DAAM1: variants seen among roughly 807,000 people sequenced by gnomAD.
DAAM1 encodes dishevelled associated activator of morphogenesis 1, also known as disheveled-associated activator of morphogenesis 1.
Under a neutral mutation model 130.0 loss-of-function variants are expected in DAAM1, and 52 were observed. The observed-to-expected ratio is 0.40, with a 90% CI of 0.32 to 0.50. DAAM1 has a LOEUF of 0.50. Ranked by LOEUF, DAAM1 falls within the 20% of genes least tolerant of loss-of-function variation. DAAM1 has a pLI of 0.61. For missense variants in DAAM1, 1,134 were observed against 1,303.8 expected (o/e 0.87, Z 2.01); for synonymous variants, 452 against 444.5 (o/e 1.02, Z -0.21).
intron 1 of DAAM1, among the ~76,000 whole-genome samples, chr14:59,217,784 A>C (rs977651236): frequency 6.6e-6 from 1 of 152,084 alleles, no homozygotes; most frequent in Admixed American, 6.5e-5. Flanking sequence ...CAGCCTGGCC[A>C]ATATGGTGAA....
At chr14:59,266,187 C>G (rs1882432613) in intron 2 of DAAM1, 1 of 151,424 alleles carries the variant, frequency 6.6e-6, no homozygotes, top group African/African-American at 2.4e-5. Flanking sequence ...AAAAGTCAAC[C>G]AAAGGACATA....
At chr14:59,317,779 A>G (rs1431507758) in intron 4 of DAAM1, among the ~76,000 whole-genome samples, 1 of 152,180 alleles carries the variant, frequency 6.6e-6, no homozygotes, top group Non-Finnish European at 1.5e-5. Context: ...CTAATTGGGA[A>G]TTTAAATGTA....
In DAAM1 at chr14:59,319,262, A is replaced by T. The variant is rs116340849; in HGVS notation, c.346-1228A>T. On this transcript the variant is annotated intron_variant, in intron 4 of 24. Transcript: ENST00000360909. ...ACAATAACAAGATTTTAAAGACCGA[A>T]AAAACTACTGGGTTTTATTTCAGTT... 5.0e-3 allele frequency among the ~76,000 whole-genome samples: 756 copies of T among 152,320 alleles called. 7 individuals are homozygous for T. Among genetic ancestry groups the T allele is most frequent in the African/African-American group, 0.017 (697 of 41,572 alleles).
chr14:59,321,302 C>T (rs1566702028), intron 5 of DAAM1, among the ~76,000 whole-genome samples: 3 of 152,112 alleles, frequency 2.0e-5, no homozygotes, highest in Admixed American at 2.0e-4. Flanking sequence ...TTGCCAGGAG[C>T]TGAGGAAGTG....
chr14:59,197,998 G>A (rs188128682), intron 1 of DAAM1, among the ~76,000 whole-genome samples: 1 of 152,236 alleles, frequency 6.6e-6, no homozygotes, highest in East Asian at 1.9e-4. Context: ...ACAAGTTGAG[G>A]GAAGTAGGTA....
At chr14:59,289,475 C>A (rs974554566) in intron 2 of DAAM1, among the ~76,000 whole-genome samples, 2 of 152,018 alleles carry the variant, frequency 1.3e-5, no homozygotes, top group African/African-American at 4.8e-5. Flanking sequence ...AGTCAAAGAA[C>A]AACAGATGCT....
chr14:59,287,469 A>G (rs1326900719), intron 2 of DAAM1, among the ~76,000 whole-genome samples: 1 of 152,204 alleles, frequency 6.6e-6, no homozygotes, highest in Non-Finnish European at 1.5e-5. Context: ...AAAGGCTTCA[A>G]AATAAGAGAG....
At chr14:59,368,614 A>T in intron 24 of DAAM1, 36 bp from the exon 25 acceptor site, 1 of 1,586,188 alleles carries the variant, frequency 6.3e-7, no homozygotes, top group Non-Finnish European at 8.6e-7. Flanking sequence ...CAACATTTTG[A>T]CATGTCTCAA....
intron 1 of DAAM1, among the ~76,000 whole-genome samples, chr14:59,259,064 G>A (rs777638909): frequency 3.3e-5 from 5 of 152,124 alleles, no homozygotes; most frequent in South Asian, 2.1e-4. Flanking sequence ...CGTTACCCCC[G>A]ACTTCTCGCC....
chr14:59,360,401 A>T (rs1886659725), intron 21 of DAAM1, among the ~76,000 whole-genome samples: 5 of 152,264 alleles, frequency 3.3e-5, no homozygotes, highest in African/African-American at 7.2e-5. Flanking sequence ...CTGATTATAC[A>T]GAGTACAATG....
At chr14:59,299,207 T>C (rs1450712680) in intron 3 of DAAM1, among the ~76,000 whole-genome samples, 1 of 152,204 alleles carries the variant, frequency 6.6e-6, no homozygotes, top group Non-Finnish European at 1.5e-5. Flanking sequence ...GATGTATGTG[T>C]AATACAATTT....
At chr14:59,244,963 C>CT (rs1881298622) in intron 1 of DAAM1, among the ~76,000 whole-genome samples, 1 of 152,020 alleles carries the variant, frequency 6.6e-6, no homozygotes. Flanking sequence ...GGAGGAGAAC[C>CT]AGTGAAGACT....
At position 59,370,468 on chromosome 14, in the gene DAAM1, T is replaced by G. The variant is rs1444464287; in HGVS notation, c.*1609T>G. ...TACCAATGTGTGCACTGTACAGGAA[T>G]CATACTATTTAAAAATAATTTGTAT... is the stretch of plus-strand genomic sequence containing the variant. On this transcript the variant is annotated 3_prime_UTR_variant, in exon 25 of 25. Transcript: ENST00000360909. 6.6e-6 allele frequency: 1 copy of G among 152,110 alleles called. No individual in the cohort carries two copies. Among genetic ancestry groups the G allele is most frequent in the Non-Finnish European group, 1.5e-5 (1 of 68,006 alleles). The allele number at this position is 152,110 out of a possible 1,614,324, so 9.4% of individuals were successfully genotyped here.
chr14:59,308,992 G>A (rs930851192), intron 3 of DAAM1, among the ~76,000 whole-genome samples: 2 of 152,300 alleles, frequency 1.3e-5, no homozygotes, highest in Admixed American at 1.3e-4. Context: ...GCAGTCCCAG[G>A]GACCACATGG....
At chr14:59,362,821 G>A (rs187578106) in intron 22 of DAAM1, 37 of 152,146 alleles carry the variant, frequency 2.4e-4, no homozygotes, top group African/African-American at 7.0e-4. Context: ...ATACAACATA[G>A]TTATTACCAA....
chr14:59,300,135 A>G (rs1884112086), intron 3 of DAAM1: 1 of 152,224 alleles, frequency 6.6e-6, no homozygotes, highest in Admixed American at 6.5e-5. Flanking sequence ...TGATGAAAAC[A>G]TTGCTGCTGC....
intron 2 of DAAM1, among the ~76,000 whole-genome samples, chr14:59,287,241 T>TA (rs1333951327): frequency 7.9e-4 from 120 of 152,130 alleles, no homozygotes; most frequent in African/African-American, 2.3e-3. Flanking sequence ...CCCTTCATGT[T>TA]AAAAAAAATC....
chr14:59,331,367 CCCT>C lies in DAAM1; in HGVS notation c.1728_1730del (p.Pro578del), dbSNP rs754129302. 1.2e-6 allele frequency: 2 copies of C among 1,611,364 alleles called. No homozygotes were observed. Among genetic ancestry groups the C allele is most frequent in the Admixed American group, 1.7e-5 (1 of 59,918 alleles). ...CACCGCCTCCCCTCCCTCCAGGTGG[CCCT>C]CCTCCTCCCCCAGGGCCTCCTCCCT... On this transcript the variant is annotated inframe_deletion, in exon 14 of 25. Transcript: ENST00000360909.
At chr14:59,235,631 C>T (rs1312756934) in intron 1 of DAAM1, among the ~76,000 whole-genome samples, 1 of 152,034 alleles carries the variant, frequency 6.6e-6, no homozygotes, top group Non-Finnish European at 1.5e-5. Context: ...TTTCATGTCT[C>T]TGTCTCCTTC....
Sources: allele counts gnomAD v4.1 joint callset (sites outside exome capture counted in the v4.1 genomes callset), GRCh38; gene constraint gnomAD v4.1.1; transcripts MANE v1.5; gene names NCBI Gene and HGNC (gene_info 2026-07-23, HGNC 2026-07-21).